Variants in SLC1A1 observed in about 807,000 individuals in gnomAD.
The protein encoded by SLC1A1 is excitatory amino acid transporter 3.
A neutral mutation model predicts 53.3 loss-of-function variants in SLC1A1; 43 were observed. The observed-to-expected ratio is 0.81, with a 90% CI of 0.63 to 1.04. The LOEUF (loss-of-function observed/expected upper bound fraction) is 1.04, where lower values mean the gene tolerates loss of function less well. Ranked by LOEUF, SLC1A1 falls within the 50% of genes least tolerant of loss-of-function variation. The pLI, the probability that SLC1A1 is intolerant of heterozygous loss-of-function variation, is 0.00. For synonymous variants in SLC1A1, 307 were observed against 243.2 expected (o/e 1.26, Z -2.44); for missense variants, 748 against 664.9 (o/e 1.12, Z -1.37).
chr9:4,553,200 G>A (rs1363606581), intron 2 of SLC1A1, among the ~76,000 whole-genome samples: 2 of 151,986 alleles, frequency 1.3e-5, no homozygotes, highest in Non-Finnish European at 1.5e-5. Flanking sequence ...ATTCTTTGGG[G>A]TATATTTAAT....
intron 3 of SLC1A1, among the ~76,000 whole-genome samples, chr9:4,563,144 G>C (rs867549911): frequency 2.1e-5 from 3 of 143,376 alleles, no homozygotes; most frequent in South Asian, 2.2e-4. Flanking sequence ...AAGAGAGAGA[G>C]AGAAAAAAAA....
intron 4 of SLC1A1, among the ~76,000 whole-genome samples, chr9:4,564,932 T>G (rs1433184159): frequency 4.6e-5 from 7 of 152,210 alleles, no homozygotes; most frequent in Non-Finnish European, 1.0e-4. Context: ...ATTCACCAAT[T>G]GTTTGACATA....
chr9:4,576,137 G>T lies in SLC1A1; in HGVS notation c.998+14G>T. On this transcript the variant is annotated intron_variant, in intron 9 of 11. Coordinates refer to ENST00000262352, the MANE Select transcript of SLC1A1 (RefSeq NM_004170.6). ...GATCTCTTCCAGGTAAACAGAAGAG[G>T]GGTTTCTGGAAGAAGCCTCCAGGCT... The T allele has an allele frequency of 6.2e-7, 1 of 1,612,920 alleles. No homozygotes were observed. The highest frequency in any genetic ancestry group is 1.1e-5 in the South Asian group (1 of 91,064).
chr9:4,522,804 G>A lies in SLC1A1; in HGVS notation c.92-21763G>A, dbSNP rs1586710227. On this transcript the variant is annotated intron_variant, in intron 1 of 11. Coordinates refer to ENST00000262352, the MANE Select transcript of SLC1A1 (RefSeq NM_004170.6). ...TTCACTATCATGAGAACAACATGTGGGAGACCCCCACCTCCATGATCCAAT... is the reference window on the plus strand; with the variant it reads ...TTCACTATCATGAGAACAACATGTGAGAGACCCCCACCTCCATGATCCAAT... 3.3e-5 allele frequency among the ~76,000 whole-genome samples: 5 copies of A among 152,140 alleles called. No individual in the cohort carries two copies. In the East Asian group the frequency reaches 5.8e-4, roughly 18 times the overall value.
rs1821609020 is a variant in SLC1A1 at position 4,586,887 on chromosome 9, C to T, written c.*1329C>T. 6.6e-6 allele frequency: 1 copy of T among 152,402 alleles called. No individual in the cohort carries two copies. Among genetic ancestry groups the T allele is most frequent in the Admixed American group, 6.5e-5 (1 of 15,272 alleles). 9.4% of individuals were successfully genotyped at this position (152,402 alleles called of 1,614,324 possible). On this transcript the variant is annotated 3_prime_UTR_variant, in exon 12 of 12. Coordinates refer to ENST00000262352, the MANE Select transcript of SLC1A1 (RefSeq NM_004170.6). Reference sequence around the variant, plus strand: ...ACTGTTCTAACTAGTAATCTTGGCCCTATTCATTACATCCTCTGCTTGTCA... The same window carrying T: ...ACTGTTCTAACTAGTAATCTTGGCCTTATTCATTACATCCTCTGCTTGTCA...
At chr9:4,538,231 G>T (rs1459168665) in intron 1 of SLC1A1, among the ~76,000 whole-genome samples, 3 of 152,128 alleles carry the variant, frequency 2.0e-5, no homozygotes, top group African/African-American at 7.2e-5. Context: ...ATTTTAGGGA[G>T]ATATGAGATA....
chr9:4,583,319 G>A lies in SLC1A1; in HGVS notation c.1328+147G>A. On this transcript the variant is annotated intron_variant, in intron 11 of 11. Coordinates refer to ENST00000262352, the MANE Select transcript of SLC1A1 (RefSeq NM_004170.6). This position sits in a 1 kb window ranked among gnomAD's most constrained non-coding sequence, Gnocchi z 4.6. ...TAATTTTCCTCTGACCAGGCCATCTGATAACATGCCTAAAAATTAACTCCT... is the reference window on the plus strand; with the variant it reads ...TAATTTTCCTCTGACCAGGCCATCTAATAACATGCCTAAAAATTAACTCCT... 9.9e-7 allele frequency: 1 copy of A among 1,006,192 alleles called. No homozygotes were observed. The highest frequency in any genetic ancestry group is 2.4e-5 in the East Asian group (1 of 41,502). The allele number at this position is 1,006,192 out of a possible 1,614,324, so 62.3% of individuals were successfully genotyped here.
chr9:4,525,424 C>T (rs1816223181), intron 1 of SLC1A1, among the ~76,000 whole-genome samples: 1 of 152,038 alleles, frequency 6.6e-6, no homozygotes, highest in Non-Finnish European at 1.5e-5. Context: ...AAATAAGTAG[C>T]CTGTAGGTAG....
At position 4,492,009 on chromosome 9, in the gene SLC1A1, G is replaced by C. The variant is rs538798154; in HGVS notation, c.91+1239G>C. On this transcript the variant is annotated intron_variant, in intron 1 of 11. Coordinates refer to ENST00000262352, the MANE Select transcript of SLC1A1 (RefSeq NM_004170.6). Reference sequence around the variant, plus strand: ...GTCAGATTGGATTCTCCAGAACCTTGGGGAAAGGAAAGTCAGGTTTCTAGT... The same window carrying C: ...GTCAGATTGGATTCTCCAGAACCTTCGGGAAAGGAAAGTCAGGTTTCTAGT... 1.1e-4 allele frequency among the ~76,000 whole-genome samples: 16 copies of C among 152,262 alleles called. No homozygotes were observed. The East Asian group carries it at 3.1e-3, about 29-fold the overall frequency.
intron 1 of SLC1A1, among the ~76,000 whole-genome samples, chr9:4,496,000 G>A (rs1017626985): frequency 2.0e-5 from 3 of 152,176 alleles, no homozygotes; most frequent in Non-Finnish European, 4.4e-5. Flanking sequence ...AGTGAGTCTG[G>A]TGCTCAGGAG....
At chr9:4,529,604 T>C (rs1322579200) in intron 1 of SLC1A1, among the ~76,000 whole-genome samples, 2 of 152,178 alleles carry the variant, frequency 1.3e-5, no homozygotes, top group East Asian at 3.9e-4. Context: ...AACAAATGAA[T>C]ATGCAGATGA....
chr9:4,548,898 C>G (rs1369301813), intron 2 of SLC1A1, among the ~76,000 whole-genome samples: 1 of 152,142 alleles, frequency 6.6e-6, no homozygotes, highest in Non-Finnish European at 1.5e-5. Flanking sequence ...AGAACATGCT[C>G]CCGCCCTGCT....
intron 1 of SLC1A1, among the ~76,000 whole-genome samples, chr9:4,514,261 G>A (rs1393442647): frequency 1.3e-5 from 2 of 152,172 alleles, no homozygotes; most frequent in Non-Finnish European, 2.9e-5. Flanking sequence ...TTGCAAGAGA[G>A]GGTCTGTGTT....
chr9:4,572,684 A>T (rs1820171916), intron 7 of SLC1A1, among the ~76,000 whole-genome samples: 1 of 152,044 alleles, frequency 6.6e-6, no homozygotes, highest in South Asian at 2.1e-4. Context: ...AGTAGCTGGG[A>T]CTATAGGCAT....
intron 1 of SLC1A1, among the ~76,000 whole-genome samples, chr9:4,541,561 A>G (rs1382950994): frequency 6.6e-6 from 1 of 152,168 alleles, no homozygotes. Context: ...CTTAGAGAGA[A>G]AGGGTCTTCC....
chr9:4,534,830 C>A lies in SLC1A1; in HGVS notation c.92-9737C>A, dbSNP rs141294637. 5.4e-3 allele frequency among the ~76,000 whole-genome samples: 826 copies of A among 152,242 alleles called. 4 individuals carry two copies. The highest frequency in any genetic ancestry group is 0.017 in the African/African-American group (725 of 41,528). On this transcript the variant is annotated intron_variant, in intron 1 of 11. Coordinates refer to ENST00000262352, the MANE Select transcript of SLC1A1 (RefSeq NM_004170.6). ...TCAGTAAAATACTGGCAAACCAAATCCAGCAGCACATCAAGAAGCTTATCC... is the reference window on the plus strand; with the variant it reads ...TCAGTAAAATACTGGCAAACCAAATACAGCAGCACATCAAGAAGCTTATCC...
chr9:4,500,137 C>T (rs1395560672), intron 1 of SLC1A1, among the ~76,000 whole-genome samples: 1 of 152,118 alleles, frequency 6.6e-6, no homozygotes, highest in Non-Finnish European at 1.5e-5. Flanking sequence ...GCTGTGTTCG[C>T]CTGAGGTATT....
intron 6 of SLC1A1, among the ~76,000 whole-genome samples, chr9:4,571,791 A>G (rs183308519): frequency 1.3e-5 from 2 of 152,326 alleles, no homozygotes; most frequent in African/African-American, 4.8e-5. Flanking sequence ...AAATGTCCTA[A>G]AAGTGTTCAC....
intron 10 of SLC1A1, 74 bp from the exon 11 acceptor site, chr9:4,582,964 G>C (rs2129873683): frequency 6.3e-7 from 1 of 1,589,914 alleles, no homozygotes; most frequent in Non-Finnish European, 8.6e-7. Flanking sequence ...CTAAGCGGGA[G>C]TAACCATTTC....
Sources: gnomAD v4.1 joint callset for allele counts (sites outside exome capture counted in the v4.1 genomes callset) on GRCh38, gnomAD v4.1.1 for gene constraint, Gnocchi (gnomAD v3.1) non-coding constraint, MANE v1.5 for transcripts, NCBI Gene and HGNC (gene_info 2026-07-23, HGNC 2026-07-21) for gene names.